ACVRL1: variants seen among roughly 807,000 people sequenced by gnomAD.
The protein encoded by ACVRL1 is activin A receptor like type 1.
In ACVRL1, 20 loss-of-function variants were observed where a neutral mutation model predicts 51.9. That is an observed-to-expected ratio of 0.39 (90% CI 0.27 to 0.56). The LOEUF is 0.56. Among genes scored for constraint, ACVRL1 ranks in the 20% least tolerant of loss-of-function variants. The probability of loss-of-function intolerance (pLI) is 0.67; values close to 1 mark genes in which losing one functional copy is unlikely to be tolerated. For synonymous variants in ACVRL1, 288 were observed against 280.9 expected, an observed-to-expected ratio of 1.03 and a Z score of -0.25; for missense variants, 451 against 670.3, an observed-to-expected ratio of 0.67 and a Z score of 3.61.
At chr12:51,916,775 A>AC (rs1940849219) in intron 8 of ACVRL1, among the ~76,000 whole-genome samples, 1 of 152,192 alleles carries the variant, frequency 6.6e-6, no homozygotes, top group Non-Finnish European at 1.5e-5. Context: ...GGAATTCAAG[A>AC]CCAGCCTGGC....
chr12:51,920,121 G>A (rs1241448368), intron 9 of ACVRL1, among the ~76,000 whole-genome samples: 1 of 152,250 alleles, frequency 6.6e-6, no homozygotes, highest in Non-Finnish European at 1.5e-5. Context: ...AGTGGGGCCA[G>A]CTCATTTCAG....
rs1361816897 is a variant in ACVRL1 at position 51,921,929 on chromosome 12, A to ACCATGCTGG, written c.*1046_*1054dup. 5.9e-5 allele frequency: 9 copies of ACCATGCTGG among 152,150 alleles called. No individual in the cohort carries two copies. The highest frequency in any genetic ancestry group is 2.2e-4 in the African/African-American group (9 of 41,406). The allele number at this position is 152,150 out of a possible 1,614,324, so 9.4% of individuals were successfully genotyped here. On this transcript the variant is annotated 3_prime_UTR_variant, in exon 10 of 10. Coordinates refer to ENST00000388922, the MANE Select transcript of ACVRL1 (RefSeq NM_000020.3). ...GTATATTTAGTAGAAACAGGGTTTCACCATGCTGGCCATGCTGGTCTCGAA... is the reference window on the plus strand; with the variant it reads ...GTATATTTAGTAGAAACAGGGTTTCACCATGCTGGCCATGCTGGCCATGCTGGTCTCGAA...
At chr12:51,908,307 A>G (rs1036248632) in intron 1 of ACVRL1, among the ~76,000 whole-genome samples, 65 of 152,106 alleles carry the variant, frequency 4.3e-4, no homozygotes, top group African/African-American at 1.5e-3. Context: ...TGTGAAACCC[A>G]TGGCTGGGCT....
In ACVRL1 at chr12:51,913,280, C is replaced by T. The variant is rs1183047267; in HGVS notation, c.243C>T (p.Pro81=). 1 of 1,605,534 alleles carries T rather than the reference C, an allele frequency of 6.2e-7. No individual in the cohort carries two copies. The highest frequency in any genetic ancestry group is 8.5e-7 in the Non-Finnish European group (1 of 1,176,250). ...ACAGGGAGCTCTGCAGGGGGCGCCC[C>T]ACCGAGTTCGTCAACCACTACTGCT... ...NLHRELCRGR[P]TEFVNHYCCD... Residue 81 remains proline, a synonymous_variant, in exon 3 of 10, where the codon CCC becomes CCT. Transcript: ENST00000388922.
Position 51,919,036 on chromosome 12 carries a change from C to T in ACVRL1, c.1298C>T (p.Pro433Leu). 1 of 1,614,112 alleles carries T rather than the reference C, an allele frequency of 6.2e-7. No homozygotes were observed. The change falls in exon 9 of 10, where the codon CCC becomes CTC. Residue 433 changes from proline (P) to leucine (L), a missense_variant. Coordinates refer to ENST00000388922, the MANE Select transcript of ACVRL1 (RefSeq NM_000020.3). ...TTCTATGATGTGGTGCCCAATGACC[C>T]CAGCTTTGAGGACATGAAGAAGGTG... Reference protein sequence around the residue: ...PPFYDVVPNDPSFEDMKKVVC... With the variant: ...PPFYDVVPNDLSFEDMKKVVC...
At position 51,914,612 on chromosome 12, in the gene ACVRL1, G is replaced by C. The variant is rs201378973; in HGVS notation, c.772+27G>C. On this transcript the variant is annotated intron_variant, in intron 6 of 9. Coordinates refer to ENST00000388922, the MANE Select transcript of ACVRL1 (RefSeq NM_000020.3). ...CAAGGGGAGAGGCCAGCTGTGCCAGGCCTGGGGCTTTGCCCCCCTGCACTC... is the reference window on the plus strand; with the variant it reads ...CAAGGGGAGAGGCCAGCTGTGCCAGCCCTGGGGCTTTGCCCCCCTGCACTC... The C allele has an allele frequency of 6.8e-5, 109 of 1,600,854 alleles. No homozygotes were observed. The East Asian group carries it at 1.9e-3, about 29-fold the overall frequency.
In ACVRL1 at chr12:51,916,027, C is replaced by A; in HGVS notation, c.1049-9C>A. On this transcript the variant is annotated splice_polypyrimidine_tract_variant and intron_variant, in intron 7 of 9. Coordinates refer to ENST00000388922, the MANE Select transcript of ACVRL1 (RefSeq NM_000020.3). ...AGAGGGGCAGGAGTGACAGGCCTCACCCCCACAGGCCTGGCTGTGATGCAC... is the reference window on the plus strand; with the variant it reads ...AGAGGGGCAGGAGTGACAGGCCTCAACCCCACAGGCCTGGCTGTGATGCAC... 1 of 1,610,536 alleles carries A rather than the reference C, an allele frequency of 6.2e-7. No homozygotes were observed. Among genetic ancestry groups the A allele is most frequent in the Non-Finnish European group, 8.5e-7 (1 of 1,177,638 alleles).
At chr12:51,909,813 C>T (rs1053489119) in intron 1 of ACVRL1, among the ~76,000 whole-genome samples, 70 of 152,208 alleles carry the variant, frequency 4.6e-4, no homozygotes, top group Admixed American at 1.2e-3. Context: ...CAGTACTTAG[C>T]ACATAATTAG....
intron 9 of ACVRL1, among the ~76,000 whole-genome samples, chr12:51,920,179 T>C (rs1182378277): frequency 6.8e-6 from 1 of 147,002 alleles, no homozygotes; most frequent in African/African-American, 2.7e-5. Flanking sequence ...GATGAGCTTT[T>C]TGGGATGGGT....
rs1940907415 is a variant in ACVRL1, at chr12:51,919,047, G to A, written c.1309G>A (p.Asp437Asn). Residue 437 changes from aspartate to asparagine, a missense_variant, in exon 9 of 10, where the codon GAC becomes AAC. Transcript: ENST00000388922. ...GGTGCCCAATGACCCCAGCTTTGAG[G>A]ACATGAAGAAGGTGGTGTGTGTGGA... Reference protein sequence around the residue: ...DVVPNDPSFEDMKKVVCVDQQ... With the variant: ...DVVPNDPSFENMKKVVCVDQQ... 1.2e-6 allele frequency: 2 copies of A among 1,614,064 alleles called. No individual in the cohort carries two copies. Among genetic ancestry groups the A allele is most frequent in the Non-Finnish European group, 1.7e-6 (2 of 1,180,046 alleles).
Position 51,914,536 on chromosome 12 carries a change from G to T in ACVRL1, c.723G>T (p.Arg241=), listed in dbSNP as rs1182326548. 1.9e-6 allele frequency: 3 copies of T among 1,613,964 alleles called. No individual in the cohort carries two copies. The highest frequency in any genetic ancestry group is 3.3e-5 in the Admixed American group (2 of 60,020). The part of the protein sequence containing the change: ...FSSRDEQSWF[R]ETEIYNTVLL... ...CGAGGGATGAACAGTCCTGGTTCCGGGAGACTGAGATCTATAACACAGTGT... is the reference window on the plus strand; with the variant it reads ...CGAGGGATGAACAGTCCTGGTTCCGTGAGACTGAGATCTATAACACAGTGT... Residue 241 remains arginine, a synonymous_variant, in exon 6 of 10, where the codon CGG becomes CGT. Transcript: ENST00000388922.
At chr12:51,914,223 C>A in intron 5 of ACVRL1, 150 bp downstream of exon 5, 2 of 1,186,896 alleles carry the variant, frequency 1.7e-6, no homozygotes, top group African/African-American at 1.5e-5. Flanking sequence ...TGGAGACGGG[C>A]CAGGGCTAGG....
intron 1 of ACVRL1, among the ~76,000 whole-genome samples, chr12:51,909,777 A>T (rs1402038136): frequency 2.6e-5 from 4 of 152,148 alleles, no homozygotes; most frequent in African/African-American, 4.8e-5. Context: ...TGTTGTGATG[A>T]TTAAATCAGA....
intron 6 of ACVRL1, 48 bp from the exon 7 acceptor site, chr12:51,915,177 C>G: frequency 6.2e-7 from 1 of 1,612,550 alleles, no homozygotes; most frequent in Non-Finnish European, 8.5e-7. Flanking sequence ...CTCCAGCCTC[C>G]CTTAGCCCCA....
intron 4 of ACVRL1, 29 bp downstream of exon 4, chr12:51,913,799 G>A (rs1292491370): frequency 6.2e-7 from 1 of 1,607,484 alleles, no homozygotes; most frequent in African/African-American, 1.3e-5. Context: ...GGGACACAGG[G>A]TGTAGGAGGG....
intron 2 of ACVRL1, 38 bp downstream of exon 2, chr12:51,912,573 G>A (rs1291657442): frequency 6.5e-7 from 1 of 1,538,718 alleles, no homozygotes; most frequent in Non-Finnish European, 9.0e-7. Flanking sequence ...CAGGAACCTG[G>A]ATACAGAAAG....
At chr12:51,918,929 G>A (rs772923834) in intron 8 of ACVRL1, 56 bp from the exon 9 acceptor site, 5 of 1,613,904 alleles carry the variant, frequency 3.1e-6, no homozygotes, top group Middle Eastern at 1.6e-4. Flanking sequence ...TCCTCTGGGT[G>A]GTATTGGGCC....
rs372753267 is a variant in ACVRL1 at position 51,915,219 on chromosome 12, A to C, written c.773-6A>C. 1.4e-5 allele frequency: 23 copies of C among 1,613,596 alleles called. No homozygotes were observed. The highest frequency in any genetic ancestry group is 2.2e-5 in the East Asian group (1 of 44,868). ...TGGCTGAGTCACCCAACCTTTCTGC[A>C]CACAGGCTTCATCGCCTCAGACATG... On this transcript the variant is annotated splice_region_variant and splice_polypyrimidine_tract_variant and intron_variant, in intron 6 of 9. Transcript: ENST00000388922.
chr12:51,914,219 C>A, intron 5 of ACVRL1, 146 bp downstream of exon 5: 1 of 1,184,396 alleles, frequency 8.4e-7, no homozygotes, highest in Non-Finnish European at 1.2e-6. Context: ...GGGCTGGAGA[C>A]GGGCCAGGGC....
Sources: allele counts gnomAD v4.1 joint callset (sites outside exome capture counted in the v4.1 genomes callset), GRCh38; gene constraint gnomAD v4.1.1; transcripts MANE v1.5; gene names NCBI Gene and HGNC (gene_info 2026-07-23, HGNC 2026-07-21).